LEF1: variants seen among roughly 807,000 people sequenced by gnomAD.
LEF1 encodes the protein lymphoid enhancer binding factor 1, also known as lymphoid enhancer-binding factor 1.
A neutral mutation model predicts 51.2 loss-of-function variants in LEF1; 14 were observed. The observed-to-expected ratio is 0.27, with a 90% CI of 0.18 to 0.43. The LOEUF (loss-of-function observed/expected upper bound fraction) is 0.43, where lower values mean the gene tolerates loss of function less well. Ranked by LOEUF, LEF1 falls within the 20% of genes least tolerant of loss-of-function variation. The pLI, the probability that LEF1 is intolerant of heterozygous loss-of-function variation, is 1.00. For synonymous variants in LEF1, 185 were observed against 183.2 expected, an observed-to-expected ratio of 1.01 and a Z score of -0.08; for missense variants, 386 against 512.0, an observed-to-expected ratio of 0.75 and a Z score of 2.37.
chr4:108,073,470 A>C (rs950630858), intron 8 of LEF1, among the ~76,000 whole-genome samples: 2 of 152,178 alleles, frequency 1.3e-5, no homozygotes, highest in Non-Finnish European at 2.9e-5. Context: ...TTTACCAATA[A>C]GGAAAAAAAT....
intron 5 of LEF1, among the ~76,000 whole-genome samples, chr4:108,082,300 G>A (rs1372568505): frequency 6.6e-6 from 1 of 152,066 alleles, no homozygotes; most frequent in Non-Finnish European, 1.5e-5. Flanking sequence ...GTACGATTCA[G>A]CACAGGACTA....
chr4:108,063,097 T>C (rs1246369016), intron 11 of LEF1, among the ~76,000 whole-genome samples: 1 of 152,184 alleles, frequency 6.6e-6, no homozygotes, highest in East Asian at 1.9e-4. Flanking sequence ...TAAGTGCCCA[T>C]GCCATATTAA....
chr4:108,073,992 C>CT (rs948580410), intron 8 of LEF1, among the ~76,000 whole-genome samples: 1 of 152,014 alleles, frequency 6.6e-6, no homozygotes, highest in Non-Finnish European at 1.5e-5. Flanking sequence ...CGCCCGGCTA[C>CT]TTTTTTGTAT....
At chr4:108,056,443 C>T (rs1236720079) in intron 11 of LEF1, among the ~76,000 whole-genome samples, 1 of 152,240 alleles carries the variant, frequency 6.6e-6, no homozygotes, top group Non-Finnish European at 1.5e-5. Flanking sequence ...TTGTTTCCGG[C>T]ACTTGCCATC....
At chr4:108,083,554 T>C (rs760224376) in intron 4 of LEF1, 108 bp from the exon 5 acceptor site, 176 of 659,684 alleles carry the variant, frequency 2.7e-4, no homozygotes, top group Non-Finnish European at 4.2e-4. Context: ...AATGAAACAA[T>C]ATTTATTCAC....
chr4:108,071,062 C>T (rs1173668304), intron 8 of LEF1, among the ~76,000 whole-genome samples: 1 of 152,136 alleles, frequency 6.6e-6, no homozygotes, highest in Non-Finnish European at 1.5e-5. Flanking sequence ...TTCTCTTTTC[C>T]AATATAAATT....
intron 2 of LEF1, 131 bp from the exon 3 acceptor site, chr4:108,163,832 AACTG>A: frequency 1.1e-6 from 1 of 903,736 alleles, no homozygotes; most frequent in Non-Finnish European, 1.6e-6. Flanking sequence ...AAAATACTGT[AACTG>A]GATTATTATG....
chr4:108,129,870 A>G (rs910780824), intron 3 of LEF1, among the ~76,000 whole-genome samples: 1 of 152,228 alleles, frequency 6.6e-6, no homozygotes, highest in Non-Finnish European at 1.5e-5. Flanking sequence ...GTGATTACAC[A>G]TAGGAATCAC....
At chr4:108,063,533 A>T (rs566372622) in intron 11 of LEF1, 90 bp downstream of exon 11, 6 of 983,394 alleles carry the variant, frequency 6.1e-6, no homozygotes, top group Non-Finnish European at 9.4e-6. Context: ...GCAATGTCGA[A>T]TGAACTCATT....
intron 8 of LEF1, chr4:108,072,290 G>A (rs3796994): frequency 0.85 from 128,728 of 152,192 alleles, 55,606 homozygotes; most frequent in East Asian, 0.97. Context: ...ATCAACTTGG[G>A]CTCAGCCCCT....
At chr4:108,078,770 T>C (rs191117924) in intron 7 of LEF1, among the ~76,000 whole-genome samples, 2 of 152,312 alleles carry the variant, frequency 1.3e-5, no homozygotes, top group East Asian at 1.9e-4. Context: ...CAGGTGATCA[T>C]TCCTCTTTCA....
chr4:108,157,213 C>CACACACACACACAA (rs1560830014), intron 3 of LEF1, among the ~76,000 whole-genome samples: 1 of 147,642 alleles, frequency 6.8e-6, no homozygotes, highest in Admixed American at 6.7e-5. Flanking sequence ...CACACACACA[C>CACACACACACACAA]ACACACAAAC....
chr4:108,063,590 A>G, intron 11 of LEF1, 33 bp downstream of exon 11: 1 of 1,555,772 alleles, frequency 6.4e-7, no homozygotes, highest in Non-Finnish European at 8.8e-7. Context: ...ATAACAACTA[A>G]CGTCAGCAGT....
intron 3 of LEF1, among the ~76,000 whole-genome samples, chr4:108,092,444 G>T (rs1934331763): frequency 6.6e-6 from 1 of 152,080 alleles, no homozygotes; most frequent in Admixed American, 6.6e-5. Context: ...TTACACTGCG[G>T]ATATGTGGCA....
intron 11 of LEF1, among the ~76,000 whole-genome samples, chr4:108,049,215 C>G (rs1736819913): frequency 6.6e-6 from 1 of 152,174 alleles, no homozygotes; most frequent in Middle Eastern, 3.2e-3. Context: ...ACTGCCAACT[C>G]CCGTGACGCT....
At chr4:108,154,413 C>T (rs917780444) in intron 3 of LEF1, among the ~76,000 whole-genome samples, 1 of 138,426 alleles carries the variant, frequency 7.2e-6, no homozygotes, top group Non-Finnish European at 1.5e-5. Context: ...CTGTAAGGTG[C>T]CTCGCACAGT....
intron 3 of LEF1, among the ~76,000 whole-genome samples, chr4:108,136,488 T>G (rs1743275038): frequency 6.6e-6 from 1 of 151,664 alleles, no homozygotes; most frequent in East Asian, 1.9e-4. Flanking sequence ...TTTTTAAACT[T>G]TAGATGCTTA....
chr4:108,062,410 C>A (rs1737755999), intron 11 of LEF1, among the ~76,000 whole-genome samples: 1 of 152,158 alleles, frequency 6.6e-6, no homozygotes, highest in Non-Finnish European at 1.5e-5. Context: ...TGCCCTCTTG[C>A]CATGTGGGGA....
At chr4:108,080,907 T>C (rs960634271) in intron 6 of LEF1, among the ~76,000 whole-genome samples, 1 of 151,820 alleles carries the variant, frequency 6.6e-6, no homozygotes, top group Admixed American at 6.6e-5. Flanking sequence ...GCACCCCAAA[T>C]GTGTGTGTAC....
Sources: gnomAD v4.1 joint callset for allele counts (sites outside exome capture counted in the v4.1 genomes callset) on GRCh38, gnomAD v4.1.1 for gene constraint, MANE v1.5 for transcripts, NCBI Gene and HGNC (gene_info 2026-07-23, HGNC 2026-07-21) for gene names.